The following ITGB3 variants were observed in gnomAD, a reference collection of about 807,000 sequenced individuals.
ITGB3 encodes integrin beta-3.
Under a neutral mutation model 85.8 loss-of-function variants are expected in ITGB3, and 48 were observed. The observed-to-expected ratio is 0.56, with a 90% CI of 0.44 to 0.71. The LOEUF (loss-of-function observed/expected upper bound fraction) is 0.71, where lower values mean the gene tolerates loss of function less well. Among genes scored for constraint, ITGB3 ranks in the 30% least tolerant of loss-of-function variants. ITGB3 has a pLI of 0.00. For synonymous variants in ITGB3, 363 were observed against 395.6 expected (o/e 0.92, Z 0.98); for missense variants, 861 against 1,019.1 (o/e 0.84, Z 2.11).
intron 1 of ITGB3, among the ~76,000 whole-genome samples, chr17:47,272,699 CCTT>C (rs2065049300): frequency 8.4e-6 from 1 of 119,466 alleles, no homozygotes; most frequent in African/African-American, 3.3e-5. Flanking sequence ...TTCTTTCTTT[CCTT>C]CTTTCTTTCT....
At position 47,291,033 on chromosome 17, in the gene ITGB3, A is replaced by G; in HGVS notation, c.1205A>G (p.Asn402Ser). 2 of 1,614,150 alleles carry G rather than the reference A, an allele frequency of 1.2e-6. No homozygotes were observed. The highest frequency in any genetic ancestry group is 1.7e-6 in the Non-Finnish European group (2 of 1,180,002). Reference protein sequence around the residue: ...LSLSFNATCLNNEVIPGLKSC... With the variant: ...LSLSFNATCLSNEVIPGLKSC... ...CTATCCTTCAATGCCACCTGCCTCA[A>G]CAATGAGGTCATCCCTGGCCTCAAG... Residue 402 changes from asparagine (N) to serine (S), a missense_variant, in exon 9 of 15, where the codon AAC becomes AGC. Coordinates refer to ENST00000559488, the MANE Select transcript of ITGB3 (RefSeq NM_000212.3).
At chr17:47,254,299 T>G (rs1253036422) in intron 1 of ITGB3, among the ~76,000 whole-genome samples, 1 of 152,028 alleles carries the variant, frequency 6.6e-6, no homozygotes, top group Non-Finnish European at 1.5e-5. Flanking sequence ...CAAGGACGAC[T>G]GGCCCAGGAG....
At chr17:47,275,570 G>A (rs1598685497) in intron 2 of ITGB3, among the ~76,000 whole-genome samples, 1 of 152,278 alleles carries the variant, frequency 6.6e-6, no homozygotes, top group East Asian at 1.9e-4. Context: ...TTTTATGACC[G>A]CTCCAATCCA....
At chr17:47,262,029 T>G (rs1434759962) in intron 1 of ITGB3, among the ~76,000 whole-genome samples, 1 of 152,244 alleles carries the variant, frequency 6.6e-6, no homozygotes, top group Non-Finnish European at 1.5e-5. Context: ...GATATCCTTA[T>G]TCATTTATTA....
chr17:47,301,902 T>C (rs1191975865), intron 12 of ITGB3, among the ~76,000 whole-genome samples: 2 of 152,156 alleles, frequency 1.3e-5, no homozygotes, highest in African/African-American at 4.8e-5. Context: ...TTCCCTGTAT[T>C]ATAATACCAC....
At chr17:47,290,470 A>AAGGAAGGAAGGAAGGAAG (rs1398788824) in intron 8 of ITGB3, among the ~76,000 whole-genome samples, 196 bp downstream of exon 8, 1 of 151,806 alleles carries the variant, frequency 6.6e-6, no homozygotes, top group Non-Finnish European at 1.5e-5. Flanking sequence ...GGAAGGAAGG[A>AAGGAAGGAAGGAAGGAAG]AGAGAGAAAG....
Position 47,272,056 on chromosome 17 carries a change from A to ATT in ITGB3, c.80-2345_80-2344dup, listed in dbSNP as rs58156465. On this transcript the variant is annotated intron_variant, in intron 1 of 14. Coordinates refer to ENST00000559488, the MANE Select transcript of ITGB3 (RefSeq NM_000212.3). ...AGGCATGAGCCGCCTCACCGGGGCT[A>ATT]TTTTTTTTTTTTTTTTTTTGAGATG... 1.0e-3 allele frequency among the ~76,000 whole-genome samples: 105 copies of ATT among 103,290 alleles called. 1 individual carries two copies. The highest frequency in any genetic ancestry group is 5.9e-3 in the South Asian group (19 of 3,234). 67.8% of individuals were successfully genotyped at this position (103,290 alleles called of 152,430 possible).
intron 6 of ITGB3, among the ~76,000 whole-genome samples, chr17:47,287,473 A>C (rs1368824170): frequency 6.6e-6 from 1 of 152,230 alleles, no homozygotes; most frequent in Non-Finnish European, 1.5e-5. Context: ...CCAGCATAGC[A>C]GCAGCATCAT....
chr17:47,284,314 G>A (rs1487253934), intron 3 of ITGB3, 129 bp from the exon 4 acceptor site: 3 of 1,011,986 alleles, frequency 3.0e-6, no homozygotes, highest in Non-Finnish European at 4.5e-6. Context: ...TGCAAAGGAA[G>A]AGGAAAAGGG....
At chr17:47,286,542 G>A (rs2065103478) in intron 5 of ITGB3, 120 bp downstream of exon 5, 2 of 1,200,784 alleles carry the variant, frequency 1.7e-6, no homozygotes, top group Non-Finnish European at 2.4e-6. Flanking sequence ...AGGGCTTCCT[G>A]CAGTTATGAG....
Position 47,290,199 on chromosome 17 carries a change from C to T in ITGB3, c.1050C>T (p.Leu350=), listed in dbSNP as rs2065119492. 1.2e-6 allele frequency: 2 copies of T among 1,613,764 alleles called. No individual in the cohort carries two copies. The highest frequency in any genetic ancestry group is 2.7e-5 in the African/African-American group (2 of 74,922). Residue 350 remains leucine, a synonymous_variant, in exon 8 of 15, where the codon CTC becomes CTT. Transcript: ENST00000559488. Reference sequence around the variant, plus strand: ...TTCCTTTCTAGAACTATAGTGAGCTCATCCCAGGGACCACAGTTGGGGTTC... The same window carrying T: ...TTCCTTTCTAGAACTATAGTGAGCTTATCCCAGGGACCACAGTTGGGGTTC... The part of the protein sequence containing the change: ...VVNLYQNYSE[L]IPGTTVGVLS...
intron 1 of ITGB3, among the ~76,000 whole-genome samples, chr17:47,265,603 A>G (rs1031287806): frequency 4.6e-5 from 7 of 152,222 alleles, no homozygotes; most frequent in African/African-American, 1.4e-4. Context: ...TACCCTAACG[A>G]CATCAATTGA....
chr17:47,296,645 A>G (rs1354880752), intron 10 of ITGB3, among the ~76,000 whole-genome samples: 1 of 152,164 alleles, frequency 6.6e-6, no homozygotes, highest in Admixed American at 6.5e-5. Flanking sequence ...ACATTTGGCA[A>G]TGTCTGGTGA....
In ITGB3 at chr17:47,288,187, G is replaced by A. The variant is rs190698027; in HGVS notation, c.939+956G>A. 7.4e-3 allele frequency among the ~76,000 whole-genome samples: 1,112 copies of A among 149,350 alleles called. 17 individuals are homozygous for A. Among genetic ancestry groups the A allele is most frequent in the African/African-American group, 0.026 (1,076 of 40,652 alleles). ...ACAGGTGTGAGCCATTGCTCCTAGT[G>A]GAGACCCCTTCTCTTAGAAAGAGAG... On this transcript the variant is annotated intron_variant, in intron 6 of 14. Transcript: ENST00000559488.
intron 1 of ITGB3, among the ~76,000 whole-genome samples, chr17:47,273,236 T>G (rs1216557021): frequency 6.6e-6 from 1 of 152,182 alleles, no homozygotes; most frequent in Non-Finnish European, 1.5e-5. Context: ...ATCGCAATGG[T>G]CAGGCTGATT....
rs115031520 is a variant in ITGB3 at position 47,255,739 on chromosome 17, G to A, written c.79+1799G>A. ...CCGGCCAAGGGTATCTTGAAGGAGGGATTACAGTTGATATGTAGAGGAATA... is the reference window on the plus strand; with the variant it reads ...CCGGCCAAGGGTATCTTGAAGGAGGAATTACAGTTGATATGTAGAGGAATA... On this transcript the variant is annotated intron_variant, in intron 1 of 14. Coordinates refer to ENST00000559488, the MANE Select transcript of ITGB3 (RefSeq NM_000212.3). 6.9e-3 allele frequency among the ~76,000 whole-genome samples: 1,046 copies of A among 152,260 alleles called. 10 individuals are homozygous for A. Among genetic ancestry groups the A allele is most frequent in the African/African-American group, 0.024 (1,007 of 41,560 alleles).
In ITGB3 at chr17:47,274,426, C is replaced by T; in HGVS notation, c.87C>T (p.Asn29=). ...TTTGTCTGTCTGTTGCAGGGCCCAACATCTGTACCACGCGAGGTGTGAGCT... is the reference window on the plus strand; with the variant it reads ...TTTGTCTGTCTGTTGCAGGGCCCAATATCTGTACCACGCGAGGTGTGAGCT... ...ALAGVGVGGP[N]ICTTRGVSSC... The change falls in exon 2 of 15, where the codon AAC becomes AAT. Residue 29 remains asparagine, a synonymous_variant. Coordinates refer to ENST00000559488, the MANE Select transcript of ITGB3 (RefSeq NM_000212.3). 1 of 1,613,078 alleles carries T rather than the reference C, an allele frequency of 6.2e-7. No individual in the cohort carries two copies. The highest frequency in any genetic ancestry group is 8.5e-7 in the Non-Finnish European group (1 of 1,179,936).
At chr17:47,283,172 A>T (rs2065089801) in intron 2 of ITGB3, among the ~76,000 whole-genome samples, 182 bp from the exon 3 acceptor site, 1 of 151,636 alleles carries the variant, frequency 6.6e-6, no homozygotes, top group Non-Finnish European at 1.5e-5. Flanking sequence ...CTCCCAAAGT[A>T]TCAATTTCCC....
At position 47,295,661 on chromosome 17, in the gene ITGB3, G is replaced by A. The variant is rs150732517; in HGVS notation, c.1690+3093G>A. Among the ~76,000 whole-genome samples, 218 of 152,074 alleles carry A rather than the reference G, an allele frequency of 1.4e-3. 1 individual carries two copies. Among genetic ancestry groups the A allele is most frequent in the African/African-American group, 5.1e-3 (212 of 41,466 alleles). ...TAGCCTCACAAAGGAAACACTATGG[G>A]ACAAGAGTTTCTGAGGAGGCGGAGG... On this transcript the variant is annotated intron_variant, in intron 10 of 14. Coordinates refer to ENST00000559488, the MANE Select transcript of ITGB3 (RefSeq NM_000212.3).
Sources: gnomAD v4.1 joint callset for allele counts (sites outside exome capture counted in the v4.1 genomes callset) on GRCh38, gnomAD v4.1.1 for gene constraint, MANE v1.5 for transcripts, NCBI Gene and HGNC (gene_info 2026-07-23, HGNC 2026-07-21) for gene names.